The following LINGO2 variants were observed in gnomAD, a reference collection of about 807,000 sequenced individuals.
LINGO2 encodes the protein leucine rich repeat and Ig domain containing 2, also known as leucine-rich repeat and immunoglobulin-like domain-containing nogo receptor-interacting protein 2.
Under a neutral mutation model 30.6 loss-of-function variants are expected in LINGO2, and 14 were observed. The ratio of observed to expected loss-of-function variants is 0.46; its 90% CI spans 0.30 to 0.72. The LOEUF (loss-of-function observed/expected upper bound fraction) is 0.72. LINGO2 is among the 30% of genes least tolerant of loss of function. The pLI, the probability that LINGO2 is intolerant of heterozygous loss-of-function variation, is 0.07. For synonymous variants in LINGO2, 317 were observed against 288.5 expected, an observed-to-expected ratio of 1.10 and a Z score of -1.00; for missense variants, 729 against 751.7, an observed-to-expected ratio of 0.97 and a Z score of 0.35.
chr9:28,785,325 T>C, the LINGO2 span, among the ~76,000 whole-genome samples: 2 of 152,172 alleles, frequency 1.3e-5, no homozygotes, highest in Non-Finnish European at 2.9e-5. Context: ...TCCTGCAGCA[T>C]GATAGGACCA....
chr9:28,768,645 C>CAA, the LINGO2 span, among the ~76,000 whole-genome samples: 2 of 151,616 alleles, frequency 1.3e-5, no homozygotes, highest in Admixed American at 1.3e-4. Flanking sequence ...CACACACACA[C>CAA]ACACACACAG....
chr9:28,039,153 T>C (rs1428179654), intron 4 of LINGO2, among the ~76,000 whole-genome samples: 1 of 152,162 alleles, frequency 6.6e-6, no homozygotes, highest in Non-Finnish European at 1.5e-5. Flanking sequence ...GCTCACCAAA[T>C]TGAAAAACAA....
At chr9:28,748,935 T>C in the LINGO2 span, among the ~76,000 whole-genome samples, 71 of 152,164 alleles carry the variant, frequency 4.7e-4, no homozygotes, top group African/African-American at 1.7e-3. Flanking sequence ...AATCAACTGT[T>C]TTGATGTGTA....
At chr9:28,487,417 A>G (rs73439345) in intron 1 of LINGO2, among the ~76,000 whole-genome samples, 1,659 of 152,278 alleles carry the variant, frequency 0.011, 26 homozygotes, top group African/African-American at 0.038. Context: ...TTGTTTTAGA[A>G]ACAACTAAAT....
intron 4 of LINGO2, among the ~76,000 whole-genome samples, chr9:28,224,383 A>G (rs1821076853): frequency 6.6e-6 from 1 of 152,194 alleles, no homozygotes. Flanking sequence ...TTATTGTTAC[A>G]TAATAGATGT....
At chr9:27,998,608 G>T (rs1002988775) in intron 5 of LINGO2, among the ~76,000 whole-genome samples, 1 of 152,104 alleles carries the variant, frequency 6.6e-6, no homozygotes, top group African/African-American at 2.4e-5. Flanking sequence ...GTGAAACCCC[G>T]TTTCTACTAA....
chr9:28,292,013 T>C (rs956963039), intron 4 of LINGO2, among the ~76,000 whole-genome samples: 3 of 150,628 alleles, frequency 2.0e-5, no homozygotes, highest in African/African-American at 7.3e-5. Flanking sequence ...AAACCATCTT[T>C]AAAGTGCTTA....
At chr9:28,503,571 G>GA (rs931637219) in intron 1 of LINGO2, among the ~76,000 whole-genome samples, 4 of 150,584 alleles carry the variant, frequency 2.7e-5, no homozygotes, top group East Asian at 1.9e-4. Flanking sequence ...AATTTTCAGT[G>GA]AAAAAAAAAT....
intron 1 of LINGO2, among the ~76,000 whole-genome samples, chr9:28,624,516 T>TC (rs1290872518): frequency 4.6e-5 from 7 of 152,066 alleles, no homozygotes; most frequent in African/African-American, 1.7e-4. Context: ...CTTGAGTAAA[T>TC]CCCACTTGGT....
chr9:29,188,996 G>A, the LINGO2 span, among the ~76,000 whole-genome samples: 1 of 142,160 alleles, frequency 7.0e-6, no homozygotes. Context: ...GGGGCGGCTG[G>A]CCGGGCGGGG....
the LINGO2 span, among the ~76,000 whole-genome samples, chr9:28,767,006 T>C: frequency 6.6e-6 from 1 of 152,126 alleles, no homozygotes; most frequent in African/African-American, 2.4e-5. Context: ...AAGTACTGCA[T>C]GATCTCACTT....
At chr9:28,216,676 A>C (rs1170581272) in intron 4 of LINGO2, among the ~76,000 whole-genome samples, 1 of 151,894 alleles carries the variant, frequency 6.6e-6, no homozygotes, top group East Asian at 1.9e-4. Context: ...AATACAGTAC[A>C]TTATCTATTG....
chr9:28,066,662 TAGA>T (rs776134526), intron 4 of LINGO2, among the ~76,000 whole-genome samples: 1 of 152,090 alleles, frequency 6.6e-6, no homozygotes, highest in Non-Finnish European at 1.5e-5. Flanking sequence ...ATATCACTCT[TAGA>T]AGAAATACCT....
intron 3 of LINGO2, among the ~76,000 whole-genome samples, chr9:28,342,312 T>G (rs951592952): frequency 6.6e-6 from 1 of 152,162 alleles, no homozygotes; most frequent in African/African-American, 2.4e-5. Context: ...GTATTTCTAC[T>G]GTAAGATGCC....
chr9:28,396,864 G>A (rs1822070038), intron 2 of LINGO2, among the ~76,000 whole-genome samples: 1 of 152,036 alleles, frequency 6.6e-6, no homozygotes, highest in African/African-American at 2.4e-5. Flanking sequence ...AGAGAACCTA[G>A]TAAAAAGTTG....
chr9:28,569,077 G>A (rs567408392), intron 1 of LINGO2, among the ~76,000 whole-genome samples: 4 of 150,372 alleles, frequency 2.7e-5, no homozygotes, highest in East Asian at 3.9e-4. Context: ...AAATCAAACC[G>A]CAATGAGATA....
rs1037450386 is a variant in LINGO2 at position 28,148,918 on chromosome 9, G to A, written c.-86-136513C>T. On this transcript the variant is annotated intron_variant, in intron 4 of 5. Coordinates refer to ENST00000379992, the Ensembl canonical transcript of LINGO2. This position sits in a 1 kb window ranked among gnomAD's most constrained non-coding sequence, Gnocchi z 5.1. Reference sequence around the variant, plus strand: ...ATCCTGCAGCTCTTGGGTCAAGTAGGTCTTCTCCACACAGAGCTGCCGGCC... The same window carrying A: ...ATCCTGCAGCTCTTGGGTCAAGTAGATCTTCTCCACACAGAGCTGCCGGCC... The A allele has an allele frequency of 2.7e-5, 42 of 1,533,778 alleles. No individual in the cohort carries two copies. In the African/African-American group the frequency reaches 5.5e-4, roughly 20 times the overall value.
At chr9:27,958,365 G>A (rs7851033) in intron 5 of LINGO2, among the ~76,000 whole-genome samples, 8,517 of 152,106 alleles carry the variant, frequency 0.056, 767 homozygotes, top group African/African-American at 0.19. Context: ...TATTTGGTCA[G>A]TAGTTTTTCT....
At chr9:28,154,253 G>A (rs549473319) in intron 4 of LINGO2, among the ~76,000 whole-genome samples, 40 of 151,798 alleles carry the variant, frequency 2.6e-4, no homozygotes, top group African/African-American at 8.2e-4. Context: ...GATTTTATGC[G>A]CTTGTCATAT....
Sources: gnomAD v4.1 joint callset for allele counts (sites outside exome capture counted in the v4.1 genomes callset) on GRCh38, gnomAD v4.1.1 for gene constraint, Gnocchi (gnomAD v3.1) non-coding constraint, MANE v1.5 for transcripts, NCBI Gene and HGNC (gene_info 2026-07-23, HGNC 2026-07-21) for gene names.